GRIP1: variants seen among roughly 807,000 people sequenced by gnomAD.
The protein encoded by GRIP1 is glutamate receptor-interacting protein 1.
Under a neutral mutation model 129.9 loss-of-function variants are expected in GRIP1, and 45 were observed. The observed-to-expected ratio is 0.35, with a 90% CI of 0.27 to 0.44. The LOEUF is 0.44. Ranked by LOEUF, GRIP1 falls within the 20% of genes least tolerant of loss-of-function variation. The probability of loss-of-function intolerance (pLI) is 1.00; values close to 1 mark genes in which losing one functional copy is unlikely to be tolerated. For missense variants in GRIP1, 1,196 were observed against 1,396.8 expected, an observed-to-expected ratio of 0.86 and a Z score of 2.29; for synonymous variants, 530 against 520.8, an observed-to-expected ratio of 1.02 and a Z score of -0.24.
chr12:66,385,124 A>G (rs189071582), intron 19 of GRIP1, among the ~76,000 whole-genome samples: 9 of 152,392 alleles, frequency 5.9e-5, no homozygotes, highest in African/African-American at 2.2e-4. Context: ...TTGTTGTTGA[A>G]TGATGGTGTA....
In GRIP1 at chr12:66,445,345, G is replaced by A. The variant is rs752264572; in HGVS notation, c.1518C>T (p.Ile506=). 3.7e-6 allele frequency: 6 copies of A among 1,614,082 alleles called. No homozygotes were observed. Among genetic ancestry groups the A allele is most frequent in the South Asian group, 1.1e-5 (1 of 91,090 alleles). ...ACCTCTCTGCTGGGCTGTCAGCTTC[G>A]ATATAGGAAATCAGAGGTGGAGAAG... is the stretch of plus-strand genomic sequence containing the variant. ...TLSSPPLISY[I]EADSPAERCG... Residue 506 remains isoleucine, a synonymous_variant, in exon 12 of 25, where the codon ATC becomes ATT. Transcript: ENST00000359742.
At chr12:66,579,014 AG>A (rs1397902175) in intron 2 of GRIP1, among the ~76,000 whole-genome samples, 1 of 152,172 alleles carries the variant, frequency 6.6e-6, no homozygotes, top group African/African-American at 2.4e-5. Context: ...ACCCCCCAGT[AG>A]GGGCAGACTG....
chr12:66,662,505 C>T (rs1292228596), intron 1 of GRIP1, among the ~76,000 whole-genome samples: 1 of 152,016 alleles, frequency 6.6e-6, no homozygotes, highest in Non-Finnish European at 1.5e-5. Flanking sequence ...GATTCTTGTG[C>T]CTATTATAAA....
intron 1 of GRIP1, among the ~76,000 whole-genome samples, chr12:66,929,441 C>T (rs2041350760): frequency 6.6e-6 from 1 of 152,230 alleles, no homozygotes; most frequent in Admixed American, 6.5e-5. Context: ...TGTATATTGT[C>T]TGGCTTCCTC....
intron 1 of GRIP1, among the ~76,000 whole-genome samples, chr12:66,963,135 C>A (rs1404921388): frequency 6.6e-6 from 1 of 151,894 alleles, no homozygotes; most frequent in African/African-American, 2.4e-5. Flanking sequence ...CATGGTGGGA[C>A]CCCACCTCCA....
At chr12:67,024,648 G>A (rs2042915564) in intron 1 of GRIP1, among the ~76,000 whole-genome samples, 1 of 152,060 alleles carries the variant, frequency 6.6e-6, no homozygotes, top group South Asian at 2.1e-4. Flanking sequence ...ATTGTAGATA[G>A]GAAAAGTATT....
chr12:66,488,755 CAAGT>C (rs1391729188), intron 7 of GRIP1, among the ~76,000 whole-genome samples: 1 of 151,974 alleles, frequency 6.6e-6, no homozygotes, highest in Non-Finnish European at 1.5e-5. Flanking sequence ...AGAGAAGAAT[CAAGT>C]AAACACAATC....
chr12:66,723,300 CTTTCTTT>C (rs2036144082), intron 1 of GRIP1, among the ~76,000 whole-genome samples: 12 of 42,556 alleles, frequency 2.8e-4, no homozygotes, highest in African/African-American at 7.5e-4. Context: ...TTCTTTCTTT[CTTTCTTT>C]TTTTTTTTTT....
chr12:66,383,225 A>G (rs1373516610), intron 19 of GRIP1, among the ~76,000 whole-genome samples: 1 of 151,886 alleles, frequency 6.6e-6, no homozygotes, highest in Non-Finnish European at 1.5e-5. Context: ...TGAACCCGAG[A>G]GGTGGAGGTT....
chr12:66,594,255 C>A (rs950937440), intron 2 of GRIP1, among the ~76,000 whole-genome samples: 1 of 152,002 alleles, frequency 6.6e-6, no homozygotes. Flanking sequence ...GCACTTTTCT[C>A]TAGAGGCATC....
chr12:66,958,976 A>G (rs555015337), intron 1 of GRIP1, among the ~76,000 whole-genome samples: 1 of 152,318 alleles, frequency 6.6e-6, no homozygotes, highest in East Asian at 1.9e-4. Flanking sequence ...TTTCCTACGT[A>G]ATAGATAAAA....
chr12:66,578,339 G>A (rs200359742), intron 2 of GRIP1, among the ~76,000 whole-genome samples: 13 of 149,986 alleles, frequency 8.7e-5, no homozygotes, highest in East Asian at 4.0e-4. Flanking sequence ...CGCAGAAGAC[G>A]GGTGATTTCT....
At chr12:66,501,769 T>A (rs1389519264) in intron 7 of GRIP1, among the ~76,000 whole-genome samples, 7 of 152,316 alleles carry the variant, frequency 4.6e-5, no homozygotes, top group Non-Finnish European at 8.8e-5. Flanking sequence ...ATTTTAGAAG[T>A]CCCATATATA....
chr12:66,934,057 T>C (rs2137417794), intron 1 of GRIP1, among the ~76,000 whole-genome samples: 1 of 152,318 alleles, frequency 6.6e-6, no homozygotes, highest in Middle Eastern at 3.4e-3. Flanking sequence ...GAGCACCTTG[T>C]TTTAATGGTA....
intron 1 of GRIP1, among the ~76,000 whole-genome samples, chr12:66,795,589 T>A (rs2038672544): frequency 6.6e-6 from 1 of 152,172 alleles, no homozygotes; most frequent in Admixed American, 6.6e-5. Flanking sequence ...ATCCTCTGAA[T>A]CATATTTAAC....
intron 23 of GRIP1, among the ~76,000 whole-genome samples, chr12:66,361,680 G>A (rs553975745): frequency 6.7e-6 from 1 of 148,382 alleles, no homozygotes; most frequent in South Asian, 2.3e-4. Context: ...AGTCCCTGTT[G>A]CGGGTGTCTT....
intron 1 of GRIP1, among the ~76,000 whole-genome samples, chr12:66,815,854 TTCTCTC>T (rs1555241803): frequency 8.6e-6 from 1 of 116,760 alleles, no homozygotes; most frequent in South Asian, 3.3e-4. Flanking sequence ...CTTTCTTTCT[TTCTCTC>T]TCTCTCTCTC....
At chr12:66,919,368 A>T (rs1345223007) in intron 1 of GRIP1, among the ~76,000 whole-genome samples, 1 of 152,150 alleles carries the variant, frequency 6.6e-6, no homozygotes, top group Non-Finnish European at 1.5e-5. Flanking sequence ...TGAACAAGGT[A>T]CCCCAAGGAA....
In GRIP1 at chr12:66,348,217, A is replaced by ACTC. The variant is rs2054062655; in HGVS notation, c.*799_*801dup. The ACTC allele has an allele frequency of 6.6e-6, 1 of 152,076 alleles. No homozygotes were observed. Among genetic ancestry groups the ACTC allele is most frequent in the African/African-American group, 2.4e-5 (1 of 41,388 alleles). 9.4% of individuals were successfully genotyped at this position (152,076 alleles called of 1,614,324 possible). A position where few individuals can be genotyped will look rare whatever the true frequency, so the allele number is the denominator to read the frequency against. ...ATTAAGATGAACCTCATTTTAATAG[A>ACTC]CTCTTCATTCTCTGAAGTTCTTAGT... On this transcript the variant is annotated 3_prime_UTR_variant, in exon 25 of 25. Coordinates refer to ENST00000359742, the MANE Select transcript of GRIP1 (RefSeq NM_001366722.1).
Sources: gnomAD v4.1 joint callset for allele counts (sites outside exome capture counted in the v4.1 genomes callset) on GRCh38, gnomAD v4.1.1 for gene constraint, MANE v1.5 for transcripts, NCBI Gene and HGNC (gene_info 2026-07-23, HGNC 2026-07-21) for gene names.